RBFOX1: variants seen among roughly 807,000 people sequenced by gnomAD.
RBFOX1 encodes the protein RNA binding fox-1 homolog 1.
A neutral mutation model predicts 57.7 loss-of-function variants in RBFOX1; 8 were observed. The ratio of observed to expected loss-of-function variants is 0.14; its 90% CI spans 0.08 to 0.25. The LOEUF (loss-of-function observed/expected upper bound fraction) is 0.25. Ranked by LOEUF, RBFOX1 falls within the 10% of genes least tolerant of loss-of-function variation. The pLI is 1.00. For synonymous variants in RBFOX1, 326 were observed against 222.4 expected (o/e 1.47, Z -4.15); for missense variants, 611 against 548.5 (o/e 1.11, Z -1.14).
intron 3 of RBFOX1, among the ~76,000 whole-genome samples, chr16:6,995,511 T>C (rs1222553510): frequency 6.6e-6 from 1 of 152,078 alleles, no homozygotes; most frequent in Non-Finnish European, 1.5e-5. Flanking sequence ...ACGCATGTAA[T>C]CCCACTACTT....
intron 3 of RBFOX1, among the ~76,000 whole-genome samples, chr16:6,970,331 A>G (rs561849485): frequency 4.6e-5 from 7 of 152,200 alleles, no homozygotes; most frequent in African/African-American, 7.2e-5. Flanking sequence ...TTTTCTCAGT[A>G]TAGTGGTTTG....
intron 9 of RBFOX1, among the ~76,000 whole-genome samples, chr16:7,603,249 A>T (rs2141080688): frequency 6.6e-6 from 1 of 152,318 alleles, no homozygotes; most frequent in South Asian, 2.1e-4. Context: ...CCAAAAAAAA[A>T]TTTGTCTATT....
intron 2 of RBFOX1, among the ~76,000 whole-genome samples, chr16:6,423,422 G>T (rs148902621): frequency 6.6e-6 from 1 of 151,782 alleles, no homozygotes; most frequent in East Asian, 2.0e-4. Flanking sequence ...AACATGGTGA[G>T]ACCCCGTCTC....
In RBFOX1 at chr16:6,376,246, T is replaced by C. The variant is rs138525601; in HGVS notation, c.-64+59189T>C. Reference sequence around the variant, plus strand: ...CATTTATGTTCCTGCTTATGTCCTATAGCCTGGCACTTAGTGAGGCGGTGT... The same window carrying C: ...CATTTATGTTCCTGCTTATGTCCTACAGCCTGGCACTTAGTGAGGCGGTGT... On this transcript the variant is annotated intron_variant, in intron 2 of 15. Transcript: ENST00000550418. Among the ~76,000 whole-genome samples the C allele has an allele frequency of 5.0e-3, 767 of 152,290 alleles. 1 individual carries two copies. The highest frequency in any genetic ancestry group is 7.6e-3 in the Non-Finnish European group (518 of 68,018).
At chr16:6,779,983 A>T (rs796173356) in intron 3 of RBFOX1, among the ~76,000 whole-genome samples, 3 of 50,038 alleles carry the variant, frequency 6.0e-5, no homozygotes, top group African/African-American at 2.2e-4. Flanking sequence ...TTATATATTT[A>T]TATATTTATA....
intron 3 of RBFOX1, among the ~76,000 whole-genome samples, chr16:5,700,551 G>A (rs1278879568): frequency 6.6e-6 from 1 of 152,154 alleles, no homozygotes; most frequent in African/African-American, 2.4e-5. Context: ...TGGTTATGCA[G>A]TTTCACTGTG....
intron 4 of RBFOX1, among the ~76,000 whole-genome samples, chr16:7,508,049 C>A (rs1468275518): frequency 6.6e-6 from 1 of 151,826 alleles, no homozygotes; most frequent in Non-Finnish European, 1.5e-5. Flanking sequence ...TGCAGTGATG[C>A]AATCTTGGAT....
At chr16:6,700,972 T>A (rs2061733041) in intron 3 of RBFOX1, among the ~76,000 whole-genome samples, 1 of 151,898 alleles carries the variant, frequency 6.6e-6, no homozygotes, top group Non-Finnish European at 1.5e-5. Flanking sequence ...GCATTGGGGG[T>A]ACCAGATGCT....
At chr16:6,938,471 C>T (rs1029709329) in intron 3 of RBFOX1, among the ~76,000 whole-genome samples, 2 of 152,112 alleles carry the variant, frequency 1.3e-5, no homozygotes, top group Non-Finnish European at 2.9e-5. Flanking sequence ...CTTTTCTTGT[C>T]TGAGAAATTT....
rs535043694 is a variant in RBFOX1, at chr16:6,998,808, C to T, written c.-15-53249C>T. Among the ~76,000 whole-genome samples, 9 of 152,092 alleles carry T rather than the reference C, an allele frequency of 5.9e-5. No individual in the cohort carries two copies. In the East Asian group the frequency reaches 1.5e-3, roughly 26 times the overall value. ...TCCAGTCTAAAATTCCTTCTGAGTA[C>T]TTTAAAATATACCCACAAATACTGG... is the stretch of plus-strand genomic sequence containing the variant. On this transcript the variant is annotated intron_variant, in intron 3 of 15. Coordinates refer to ENST00000550418, the MANE Select transcript of RBFOX1 (RefSeq NM_018723.4).
intron 3 of RBFOX1, among the ~76,000 whole-genome samples, chr16:7,026,116 AGGG>A (rs1156642518): frequency 6.6e-6 from 1 of 152,188 alleles, no homozygotes; most frequent in Non-Finnish European, 1.5e-5. Context: ...GTCACAGGCC[AGGG>A]TGGAAATGGC....
chr16:6,140,598 C>T (rs1045196560), intron 1 of RBFOX1, among the ~76,000 whole-genome samples: 7 of 152,102 alleles, frequency 4.6e-5, no homozygotes, highest in Non-Finnish European at 1.0e-4. Flanking sequence ...AGAGGAGCAA[C>T]AATTAAGCCA....
intron 1 of RBFOX1, among the ~76,000 whole-genome samples, chr16:6,027,556 C>G (rs1408192727): frequency 1.3e-5 from 2 of 152,180 alleles, no homozygotes; most frequent in East Asian, 3.9e-4. Context: ...GAGATTATCA[C>G]TACATTGTAC....
At position 6,516,645 on chromosome 16, in the gene RBFOX1, A is replaced by T. The variant is rs144542033; in HGVS notation, c.-63-137958A>T. Among the ~76,000 whole-genome samples, 559 of 152,334 alleles carry T rather than the reference A, an allele frequency of 3.7e-3. 2 individuals are homozygous for T. The highest frequency in any genetic ancestry group is 0.013 in the African/African-American group (531 of 41,574). ...ACTTTTTTATTGAATAAGGCATTGG[A>T]AGACAATCTGTTGATTGTCAAGATT... On this transcript the variant is annotated intron_variant, in intron 2 of 15. Coordinates refer to ENST00000550418, the MANE Select transcript of RBFOX1 (RefSeq NM_018723.4).
At chr16:7,206,782 A>G (rs2090068559) in intron 4 of RBFOX1, among the ~76,000 whole-genome samples, 2 of 152,144 alleles carry the variant, frequency 1.3e-5, no homozygotes, top group African/African-American at 4.8e-5. Context: ...CCAAGGAGAA[A>G]TATGCAACAG....
At chr16:7,053,110 C>G (rs897518624) in intron 4 of RBFOX1, among the ~76,000 whole-genome samples, 2 of 152,160 alleles carry the variant, frequency 1.3e-5, no homozygotes, top group Non-Finnish European at 2.9e-5. Flanking sequence ...TAATGATAGT[C>G]TCATGATGGC....
chr16:6,654,132 C>T (rs920706854), intron 2 of RBFOX1, among the ~76,000 whole-genome samples: 1 of 150,084 alleles, frequency 6.7e-6, no homozygotes, highest in Admixed American at 6.6e-5. Flanking sequence ...GGGTAGAGGA[C>T]CAATGAATGA....
At chr16:7,115,724 G>A (rs879297722) in intron 4 of RBFOX1, among the ~76,000 whole-genome samples, 13 of 152,184 alleles carry the variant, frequency 8.5e-5, no homozygotes, top group Non-Finnish European at 1.3e-4. Context: ...TGATTTAGGA[G>A]GTGACATTCC....
chr16:7,617,844 T>C (rs1267336017), intron 10 of RBFOX1, among the ~76,000 whole-genome samples: 1 of 152,144 alleles, frequency 6.6e-6, no homozygotes, highest in African/African-American at 2.4e-5. Flanking sequence ...AACAAGGCTC[T>C]CTGCATGAGG....
Sources: gnomAD v4.1 joint callset for allele counts (sites outside exome capture counted in the v4.1 genomes callset) on GRCh38, gnomAD v4.1.1 for gene constraint, MANE v1.5 for transcripts, NCBI Gene and HGNC (gene_info 2026-07-23, HGNC 2026-07-21) for gene names.